NRXN1: variants seen among roughly 807,000 people sequenced by gnomAD.
The protein encoded by NRXN1 is neurexin 1.
In NRXN1, 39 loss-of-function variants were observed where a neutral mutation model predicts 150.9. The ratio of observed to expected loss-of-function variants is 0.26; its 90% CI spans 0.20 to 0.34. The LOEUF is 0.34. Ranked by LOEUF, NRXN1 falls within the 10% of genes least tolerant of loss-of-function variation. The pLI is 1.00. For missense variants in NRXN1, 1,815 were observed against 1,949.9 expected (o/e 0.93, Z 1.30); for synonymous variants, 924 against 757.0 (o/e 1.22, Z -3.62).
intron 21 of NRXN1, chr2:49,970,142 A>G (rs1055764524): frequency 6.6e-6 from 1 of 152,152 alleles, no homozygotes; most frequent in East Asian, 1.9e-4. Flanking sequence ...GCTATACATT[A>G]TAGTCATGGG....
chr2:50,601,226 A>G (rs1185344117), intron 8 of NRXN1, among the ~76,000 whole-genome samples: 1 of 152,198 alleles, frequency 6.6e-6, no homozygotes, highest in African/African-American at 2.4e-5. Context: ...ATGGAAAAAC[A>G]TGACTACCTA....
At chr2:50,085,597 A>C (rs1326483133) in intron 19 of NRXN1, among the ~76,000 whole-genome samples, 1 of 152,118 alleles carries the variant, frequency 6.6e-6, no homozygotes, top group Non-Finnish European at 1.5e-5. Flanking sequence ...TTAGAAAATA[A>C]TTAGTGCTTA....
chr2:50,226,801 A>T (rs2064426182), intron 18 of NRXN1, among the ~76,000 whole-genome samples: 1 of 151,890 alleles, frequency 6.6e-6, no homozygotes, highest in Non-Finnish European at 1.5e-5. Context: ...AACCCCCCCA[A>T]AACACATTTA....
chr2:50,196,213 G>A (rs971152512), intron 18 of NRXN1, among the ~76,000 whole-genome samples: 20 of 152,136 alleles, frequency 1.3e-4, no homozygotes, highest in Middle Eastern at 6.8e-3. Context: ...ATAAGTGCAT[G>A]TTCTTAGATA....
At chr2:50,580,206 C>T (rs1334181673) in intron 8 of NRXN1, among the ~76,000 whole-genome samples, 6 of 152,090 alleles carry the variant, frequency 3.9e-5, no homozygotes, top group Non-Finnish European at 7.4e-5. Flanking sequence ...AACAGACCTG[C>T]AAATTATAAA....
chr2:50,293,852 C>T (rs2152947354), intron 17 of NRXN1, among the ~76,000 whole-genome samples: 1 of 152,226 alleles, frequency 6.6e-6, no homozygotes, highest in Middle Eastern at 3.4e-3. Flanking sequence ...CTTTAGGATG[C>T]CTGGCTGTGT....
chr2:50,404,776 G>A (rs1471673252), intron 17 of NRXN1, among the ~76,000 whole-genome samples: 1 of 152,070 alleles, frequency 6.6e-6, no homozygotes, highest in East Asian at 1.9e-4. Context: ...AAGGCCTGGA[G>A]GGGGATCTTT....
At chr2:50,377,328 A>G (rs2080587690) in intron 17 of NRXN1, among the ~76,000 whole-genome samples, 2 of 152,062 alleles carry the variant, frequency 1.3e-5, no homozygotes, top group African/African-American at 4.8e-5. Flanking sequence ...GCTCCCACTT[A>G]TAAGTGAGAA....
chr2:50,471,385 C>T (rs2089445397), intron 16 of NRXN1, among the ~76,000 whole-genome samples: 1 of 151,790 alleles, frequency 6.6e-6, no homozygotes, highest in Non-Finnish European at 1.5e-5. Context: ...AGTCACTTCA[C>T]TTAGAATATT....
intron 5 of NRXN1, among the ~76,000 whole-genome samples, chr2:50,849,930 G>A (rs766566250): frequency 5.9e-5 from 9 of 152,094 alleles, no homozygotes; most frequent in African/African-American, 9.7e-5. Flanking sequence ...TATTTGTCCA[G>A]GTGTGGTGCT....
intron 5 of NRXN1, among the ~76,000 whole-genome samples, chr2:50,693,672 A>T (rs926476791): frequency 1.3e-5 from 2 of 152,216 alleles, no homozygotes; most frequent in African/African-American, 2.4e-5. Context: ...AAATAAAGAG[A>T]TGGTAACTAG....
intron 2 of NRXN1, among the ~76,000 whole-genome samples, chr2:50,986,539 G>A (rs1343160441): frequency 1.3e-5 from 2 of 151,268 alleles, no homozygotes; most frequent in African/African-American, 4.8e-5. Context: ...TTGTTACATT[G>A]TGAATACTAA....
chr2:50,120,364 G>A (rs911980210), intron 18 of NRXN1, among the ~76,000 whole-genome samples: 1 of 151,898 alleles, frequency 6.6e-6, no homozygotes, highest in Admixed American at 6.6e-5. Flanking sequence ...ACACATAAAT[G>A]AATGCATATA....
chr2:50,713,474 C>G (rs1166265733), intron 5 of NRXN1, among the ~76,000 whole-genome samples: 4 of 152,076 alleles, frequency 2.6e-5, no homozygotes, highest in Non-Finnish European at 5.9e-5. Flanking sequence ...AAGTGCTTGG[C>G]TGGCAGAAGT....
intron 5 of NRXN1, among the ~76,000 whole-genome samples, chr2:50,711,750 G>C (rs1443949876): frequency 6.6e-6 from 1 of 152,112 alleles, no homozygotes; most frequent in African/African-American, 2.4e-5. Flanking sequence ...GGCATACTGG[G>C]AGGTATTTAG....
chr2:50,531,147 G>A, intron 11 of NRXN1, 80 bp downstream of exon 11: 1 of 1,116,252 alleles, frequency 9.0e-7, no homozygotes, highest in Non-Finnish European at 1.3e-6. Flanking sequence ...ATGGCAAACA[G>A]GCTACTTGAT....
intron 5 of NRXN1, among the ~76,000 whole-genome samples, chr2:50,785,007 T>C (rs1347212909): frequency 6.6e-6 from 1 of 152,030 alleles, no homozygotes; most frequent in Non-Finnish European, 1.5e-5. Context: ...TTTAAAGTTG[T>C]AATTAGAGTT....
intron 15 of NRXN1, among the ~76,000 whole-genome samples, chr2:50,489,548 C>G (rs1268357658): frequency 2.1e-5 from 3 of 141,382 alleles, no homozygotes; most frequent in African/African-American, 9.6e-5. Context: ...GGTCAACCTC[C>G]CCTGAGCAGA....
intron 18 of NRXN1, among the ~76,000 whole-genome samples, chr2:50,130,044 T>C (rs1045057055): frequency 6.6e-6 from 1 of 152,188 alleles, no homozygotes. Flanking sequence ...ATAACTAATA[T>C]ATAAGCAGGT....
Sources: allele counts gnomAD v4.1 joint callset (sites outside exome capture counted in the v4.1 genomes callset), GRCh38; gene constraint gnomAD v4.1.1; transcripts MANE v1.5; gene names NCBI Gene and HGNC (gene_info 2026-07-23, HGNC 2026-07-21).